Variants in FHOD3 observed in about 807,000 individuals in gnomAD.
The protein encoded by FHOD3 is FH1/FH2 domain-containing protein 3.
Under a neutral mutation model 173.0 loss-of-function variants are expected in FHOD3, and 90 were observed. That is an observed-to-expected ratio of 0.52 (90% confidence interval 0.44 to 0.62). FHOD3 has a LOEUF of 0.62. Ranked by LOEUF, FHOD3 falls within the 20% of genes least tolerant of loss-of-function variation. The probability of loss-of-function intolerance (pLI) is 0.00; values close to 1 mark genes in which losing one functional copy is unlikely to be tolerated. For missense variants in FHOD3, 1,945 were observed against 2,034.7 expected, an observed-to-expected ratio of 0.96 and a Z score of 0.85; for synonymous variants, 828 against 823.0, an observed-to-expected ratio of 1.01 and a Z score of -0.10.
chr18:36,311,315 C>T (rs572607572), intron 1 of FHOD3, among the ~76,000 whole-genome samples: 1 of 152,242 alleles, frequency 6.6e-6, no homozygotes, highest in South Asian at 2.1e-4. Context: ...GTGACCCTTT[C>T]TGGGAGCTTT....
intron 2 of FHOD3, among the ~76,000 whole-genome samples, chr18:36,362,607 G>A (rs1207814781): frequency 6.6e-6 from 1 of 152,126 alleles, no homozygotes; most frequent in Non-Finnish European, 1.5e-5. Flanking sequence ...AGAGTCTGGA[G>A]GTCGTGTCCT....
chr18:36,441,607 G>T (rs2051155856), intron 3 of FHOD3, among the ~76,000 whole-genome samples: 1 of 152,188 alleles, frequency 6.6e-6, no homozygotes, highest in African/African-American at 2.4e-5. Flanking sequence ...GTGTCTGCTG[G>T]TAGGCTCCTT....
At position 36,455,418 on chromosome 18, in the gene FHOD3, A is replaced by T. The variant is rs540438482; in HGVS notation, c.338-46514A>T. ...GCAACAAGAAGTGGGAAACATTTTC[A>T]TTGTTTCACAGTAGATTTTTCTTTT... On this transcript the variant is annotated intron_variant, in intron 3 of 28. Coordinates refer to ENST00000590592, the MANE Select transcript of FHOD3 (RefSeq NM_001281740.3). Among the ~76,000 whole-genome samples the T allele has an allele frequency of 4.0e-4, 61 of 152,288 alleles. 1 individual carries two copies. The highest frequency in any genetic ancestry group is 1.5e-3 in the African/African-American group (61 of 41,568).
chr18:36,547,075 T>C (rs1158583319), intron 5 of FHOD3, among the ~76,000 whole-genome samples: 1 of 152,184 alleles, frequency 6.6e-6, no homozygotes, highest in Non-Finnish European at 1.5e-5. Context: ...GGGAAGGTCC[T>C]GCATCCTGGC....
intron 1 of FHOD3, among the ~76,000 whole-genome samples, chr18:36,316,000 C>A (rs1198533943): frequency 6.6e-6 from 1 of 151,940 alleles, no homozygotes; most frequent in African/African-American, 2.4e-5. Context: ...CAGAGCTAAT[C>A]CTCGGGGAGT....
At chr18:36,565,803 A>G (rs2058242756) in intron 5 of FHOD3, among the ~76,000 whole-genome samples, 1 of 152,226 alleles carries the variant, frequency 6.6e-6, no homozygotes, top group Non-Finnish European at 1.5e-5. Flanking sequence ...ATACTCACAC[A>G]TCAGTGAGAG....
Position 36,372,640 on chromosome 18 carries a change from G to A in FHOD3, c.273-40G>A, listed in dbSNP as rs368664335. On this transcript the variant is annotated intron_variant, in intron 2 of 28. Coordinates refer to ENST00000590592, the MANE Select transcript of FHOD3 (RefSeq NM_001281740.3). ...TGACAGCATGTGAGGTGTCTCTGCTGACTCCTCTGATGCCCCTGTTTTGTC... is the reference window on the plus strand; with the variant it reads ...TGACAGCATGTGAGGTGTCTCTGCTAACTCCTCTGATGCCCCTGTTTTGTC... 7.5e-6 allele frequency: 12 copies of A among 1,591,658 alleles called. No homozygotes were observed. In the African/African-American group the frequency reaches 1.1e-4, roughly 14 times the overall value.
chr18:36,716,022 G>A (rs1002531457), intron 18 of FHOD3, among the ~76,000 whole-genome samples: 4 of 152,320 alleles, frequency 2.6e-5, no homozygotes, highest in East Asian at 1.9e-4. Flanking sequence ...GGTGGTGTGC[G>A]ATGAATGAAA....
rs116126598 is a variant in FHOD3 at position 36,568,393 on chromosome 18, C to A, written c.512-8058C>A. Among the ~76,000 whole-genome samples the A allele has an allele frequency of 9.6e-3, 1,129 of 117,300 alleles. 11 individuals are homozygous for A. The highest frequency in any genetic ancestry group is 0.035 in the African/African-American group (1,072 of 30,218). The allele number at this position is 117,300 out of a possible 152,430, so 77.0% of individuals were successfully genotyped here. On this transcript the variant is annotated intron_variant, in intron 5 of 28. Transcript: ENST00000590592. The stretch of plus-strand genomic sequence containing the variant: ...GGTGGTGGAGGGAGCCTCAGGGAAC[C>A]TAAAAGTATCAGGAATATAATGGAG...
intron 14 of FHOD3, among the ~76,000 whole-genome samples, chr18:36,659,196 G>C (rs1209284410): frequency 6.6e-6 from 1 of 152,202 alleles, no homozygotes; most frequent in East Asian, 1.9e-4. Context: ...CTTAAGCCCT[G>C]GGAGGAAGGG....
At chr18:36,755,691 T>G (rs953754894) in intron 25 of FHOD3, among the ~76,000 whole-genome samples, 2 of 152,152 alleles carry the variant, frequency 1.3e-5, no homozygotes, top group South Asian at 4.1e-4. Context: ...GAAAGACAAA[T>G]GTACTGATTG....
intron 1 of FHOD3, among the ~76,000 whole-genome samples, chr18:36,324,215 T>C (rs1395380141): frequency 1.3e-5 from 2 of 152,220 alleles, no homozygotes; most frequent in African/African-American, 4.8e-5. Context: ...TGTTGCAGTA[T>C]GTACAAAACT....
intron 14 of FHOD3, among the ~76,000 whole-genome samples, chr18:36,665,922 C>A (rs1361979803): frequency 6.6e-6 from 1 of 152,152 alleles, no homozygotes; most frequent in African/African-American, 2.4e-5. Flanking sequence ...AGAGGACTGA[C>A]CTCCTTTGGG....
chr18:36,426,331 G>C (rs1008317818), intron 3 of FHOD3, among the ~76,000 whole-genome samples: 2 of 152,194 alleles, frequency 1.3e-5, no homozygotes, highest in African/African-American at 4.8e-5. Context: ...GATACAGCTG[G>C]TAATTGGTGA....
chr18:36,715,422 T>C (rs2040396262), intron 18 of FHOD3, among the ~76,000 whole-genome samples: 1 of 152,106 alleles, frequency 6.6e-6, no homozygotes, highest in African/African-American at 2.4e-5. Flanking sequence ...GAACTGTGAG[T>C]CAATTAAACC....
At chr18:36,710,827 G>T (rs1209909264) in intron 18 of FHOD3, 4 of 152,160 alleles carry the variant, frequency 2.6e-5, no homozygotes, top group Non-Finnish European at 5.9e-5. Flanking sequence ...ATAATACTGG[G>T]TGTAGGGTAA....
Position 36,625,270 on chromosome 18 carries a change from G to C in FHOD3, c.958-241G>C, listed in dbSNP as rs530379542. 1.6e-3 allele frequency among the ~76,000 whole-genome samples: 242 copies of C among 152,322 alleles called. 1 individual carries two copies. The highest frequency in any genetic ancestry group is 2.5e-3 in the Non-Finnish European group (168 of 68,022). On this transcript the variant is annotated intron_variant, in intron 9 of 28. Transcript: ENST00000590592. Reference sequence around the variant, plus strand: ...TTTCTCAGACTCACTGGTCATATTGGCTGCCCGCTTCGTGTCTGTTTGATG... The same window carrying C: ...TTTCTCAGACTCACTGGTCATATTGCCTGCCCGCTTCGTGTCTGTTTGATG...
intron 24 of FHOD3, among the ~76,000 whole-genome samples, chr18:36,750,725 C>T (rs1446260612): frequency 1.3e-5 from 2 of 152,184 alleles, no homozygotes; most frequent in African/African-American, 2.4e-5. Flanking sequence ...ATCCCAGCAC[C>T]ATTTATTGAA....
rs756002908 is a variant in FHOD3, at chr18:36,747,027, C to T, written c.4124C>T (p.Ala1375Val). 6.2e-7 allele frequency: 1 copy of T among 1,613,916 alleles called. No homozygotes were observed. The highest frequency in any genetic ancestry group is 8.5e-7 in the Non-Finnish European group (1 of 1,179,922). ...TCATGGGATCACCTCAAGGCAATTG[C>T]AAAACATGAAATGAAACCAGTTTTA... ...KASWDHLKAIAKHEMKPVLKQ... is the reference protein window; with the variant it reads ...KASWDHLKAIVKHEMKPVLKQ... The change falls in exon 24 of 29, where the codon GCA becomes GTA. Residue 1375 changes from alanine to valine, a missense_variant. Physicochemically the swap from Ala to Val is moderately conservative, Grantham distance 64. Coordinates refer to ENST00000590592, the MANE Select transcript of FHOD3 (RefSeq NM_001281740.3).
Sources: gnomAD v4.1 joint callset for allele counts (sites outside exome capture counted in the v4.1 genomes callset) on GRCh38, gnomAD v4.1.1 for gene constraint, MANE v1.5 for transcripts, NCBI Gene and HGNC (gene_info 2026-07-23, HGNC 2026-07-21) for gene names.